The following AXL variants were observed in gnomAD, a reference collection of about 807,000 sequenced individuals.
The protein encoded by AXL is tyrosine-protein kinase receptor UFO.
In AXL, 52 loss-of-function variants were observed where a neutral mutation model predicts 104.5. The observed-to-expected ratio is 0.50, with a 90% CI of 0.40 to 0.63. The LOEUF (loss-of-function observed/expected upper bound fraction) is 0.63, where lower values mean the gene tolerates loss of function less well. AXL is among the 20% of genes least tolerant of loss of function. The pLI, the probability that AXL is intolerant of heterozygous loss-of-function variation, is 0.00. For missense variants in AXL, 1,024 were observed against 1,188.5 expected, an observed-to-expected ratio of 0.86 and a Z score of 2.04; for synonymous variants, 455 against 473.7, an observed-to-expected ratio of 0.96 and a Z score of 0.51.
intron 19 of AXL, among the ~76,000 whole-genome samples, chr19:41,258,853 A>G (rs35546772): frequency 0.043 from 6,615 of 152,332 alleles, 337 homozygotes; most frequent in East Asian, 0.26. Flanking sequence ...ACAGCTTAGC[A>G]GGGTGATTTT....
Position 41,260,170 on chromosome 19 carries a change from A to G in AXL, c.*266A>G, listed in dbSNP as rs1337078937. The G allele has an allele frequency of 6.9e-6, 3 of 435,892 alleles. No homozygotes were observed. The highest frequency in any genetic ancestry group is 5.7e-4 in the Middle Eastern group (1 of 1,750). The allele number at this position is 435,892 out of a possible 1,614,324, so 27.0% of individuals were successfully genotyped here. ...CCAGGTGTTAACATTCCAAGACTCT[A>G]GAGTCCAAGGTTTAAAGAGTCTAGA... is the stretch of plus-strand genomic sequence containing the variant. On this transcript the variant is annotated 3_prime_UTR_variant, in exon 20 of 20. Coordinates refer to ENST00000301178, the MANE Select transcript of AXL (RefSeq NM_021913.5).
chr19:41,220,431 C>T (rs918981920), intron 1 of AXL: 8 of 560,942 alleles, frequency 1.4e-5, no homozygotes, highest in Admixed American at 9.6e-5. Flanking sequence ...ACGGGATGGA[C>T]GCTAGATCCC....
chr19:41,251,454 C>A (rs1001652546), intron 14 of AXL, among the ~76,000 whole-genome samples: 3 of 151,686 alleles, frequency 2.0e-5, no homozygotes, highest in Admixed American at 1.3e-4. Flanking sequence ...CCCAGCTACT[C>A]GGGAGGCTGA....
intron 17 of AXL, among the ~76,000 whole-genome samples, chr19:41,256,083 G>A (rs969758824): frequency 7.9e-5 from 12 of 151,110 alleles, no homozygotes; most frequent in Non-Finnish European, 1.5e-5. Flanking sequence ...TTACATGGGT[G>A]TGTGTGTGTG....
At position 41,221,183 on chromosome 19, in the gene AXL, C is replaced by G; in HGVS notation, c.346C>G (p.Gln116Glu). ...GCAGCTTTCCGACACGGGACAGTAC[C>G]AGTGTTTGGTGTTTCTGGGACATCA... The part of the protein sequence containing the change: ...SLQLSDTGQY[Q>E]CLVFLGHQTF... Residue 116 changes from glutamine to glutamate, a missense_variant, in exon 3 of 20, where the codon CAG becomes GAG. Transcript: ENST00000301178. 6.2e-7 allele frequency: 1 copy of G among 1,614,044 alleles called. No homozygotes were observed. Among genetic ancestry groups the G allele is most frequent in the East Asian group, 2.2e-5 (1 of 44,876 alleles).
intron 12 of AXL, among the ~76,000 whole-genome samples, chr19:41,247,454 G>A (rs929289526): frequency 2.6e-5 from 4 of 151,842 alleles, no homozygotes; most frequent in Admixed American, 1.3e-4. Flanking sequence ...GGTGAGCCGA[G>A]ATTGCGCCAT....
At chr19:41,242,594 TG>T (rs1340428933) in intron 10 of AXL, among the ~76,000 whole-genome samples, 5 of 152,128 alleles carry the variant, frequency 3.3e-5, no homozygotes, top group African/African-American at 9.7e-5. Context: ...CCTCCCAAAG[TG>T]CTGGGATAAC....
At chr19:41,244,377 A>AC (rs1487350612) in intron 12 of AXL, among the ~76,000 whole-genome samples, 1 of 152,156 alleles carries the variant, frequency 6.6e-6, no homozygotes, top group Non-Finnish European at 1.5e-5. Flanking sequence ...ATCACAGGCA[A>AC]CCCTAGCACT....
chr19:41,250,268 G>T (rs2034340299), intron 14 of AXL, among the ~76,000 whole-genome samples: 1 of 152,192 alleles, frequency 6.6e-6, no homozygotes, highest in Admixed American at 6.5e-5. Context: ...CCAGGGCTAA[G>T]TTCTTCACAC....
intron 17 of AXL, 111 bp from the exon 18 acceptor site, chr19:41,256,341 C>T (rs2034451925): frequency 1.4e-5 from 18 of 1,321,948 alleles, no homozygotes; most frequent in Admixed American, 5.5e-5. Flanking sequence ...GATCCCCACC[C>T]GCAGCCAGGA....
intron 6 of AXL, among the ~76,000 whole-genome samples, chr19:41,236,230 G>A (rs2034076025): frequency 6.6e-6 from 1 of 151,594 alleles, no homozygotes; most frequent in South Asian, 2.1e-4. Flanking sequence ...CTACTCGAGA[G>A]GCTGAAGCAG....
At position 41,259,916 on chromosome 19, in the gene AXL, A is replaced by C. The variant is rs749048998; in HGVS notation, c.*12A>C. The C allele has an allele frequency of 1.8e-5, 27 of 1,537,476 alleles. No individual in the cohort carries two copies. Among genetic ancestry groups the C allele is most frequent in the Non-Finnish European group, 2.3e-5 (26 of 1,140,030 alleles). On this transcript the variant is annotated 3_prime_UTR_variant, in exon 20 of 20. Coordinates refer to ENST00000301178, the MANE Select transcript of AXL (RefSeq NM_021913.5). ...AGGATGGTGCCTGAGACAACCCTCCACCTGGTACTCCCTCTCAGGATCCAA... is the reference window on the plus strand; with the variant it reads ...AGGATGGTGCCTGAGACAACCCTCCCCCTGGTACTCCCTCTCAGGATCCAA...
chr19:41,253,785 A>T (rs2122281530), intron 17 of AXL, 77 bp downstream of exon 17: 4 of 1,210,586 alleles, frequency 3.3e-6, no homozygotes, highest in Non-Finnish European at 4.8e-6. Context: ...CCTTCTTAGG[A>T]TGGAAGCAGG....
chr19:41,253,093 C>T (rs2034393041), intron 16 of AXL, 126 bp downstream of exon 16: 3 of 1,016,688 alleles, frequency 3.0e-6, no homozygotes, highest in Non-Finnish European at 4.3e-6. Context: ...TTTCTTCCAG[C>T]AGGGGAGGGG....
At chr19:41,253,867 C>T (rs925709259) in intron 17 of AXL, among the ~76,000 whole-genome samples, 159 bp downstream of exon 17, 4 of 151,830 alleles carry the variant, frequency 2.6e-5, no homozygotes, top group African/African-American at 9.7e-5. Flanking sequence ...GGAAGGCTTC[C>T]TGGAGGAGGT....
chr19:41,241,909 A>G (rs2034189115), intron 10 of AXL, among the ~76,000 whole-genome samples: 1 of 152,180 alleles, frequency 6.6e-6, no homozygotes, highest in African/African-American at 2.4e-5. Flanking sequence ...TCTTCAAAAG[A>G]TGTTCCTTAG....
chr19:41,242,497 T>C (rs1298360282), intron 10 of AXL, among the ~76,000 whole-genome samples: 1 of 151,906 alleles, frequency 6.6e-6, no homozygotes, highest in Non-Finnish European at 1.5e-5. Context: ...AATTTTTGTA[T>C]ATATTTTGTT....
Position 41,243,666 on chromosome 19 carries a change from G to A in AXL, c.1496G>A (p.Arg499His), listed in dbSNP as rs200850031. 28 of 1,613,958 alleles carry A rather than the reference G, an allele frequency of 1.7e-5. No homozygotes were observed. Among genetic ancestry groups the A allele is most frequent in the East Asian group, 2.2e-5 (1 of 44,894 alleles). ...AGAGGTGAACTGGTAGTCAGGTACC[G>A]CGTGCGCAAGTCCTACAGTCGTCGG... ...VERGELVVRY[R>H]VRKSYSRRTT... The change falls in exon 12 of 20, where the codon CGC (arginine) becomes CAC (histidine). Residue 499 changes from arginine (R) to histidine (H), a missense_variant. Around this residue, in one of 5 missense-constraint regions of AXL, gnomAD observed 523 missense variants for 636.0 expected, o/e 0.82. Transcript: ENST00000301178.
At chr19:41,239,348 C>T (rs771567255) in intron 9 of AXL, 34 bp downstream of exon 9, 49 of 1,538,798 alleles carry the variant, frequency 3.2e-5, no homozygotes, top group Non-Finnish European at 4.1e-5. Flanking sequence ...CTGCTTCAAC[C>T]CTGTCTCTCC....
Sources: allele counts gnomAD v4.1 joint callset (sites outside exome capture counted in the v4.1 genomes callset), GRCh38; gene constraint gnomAD v4.1.1; regional missense constraint gnomAD v4.1.1; transcripts MANE v1.5; gene names NCBI Gene and HGNC (gene_info 2026-07-23, HGNC 2026-07-21).